The following SCNM1 variants were observed in gnomAD, a reference collection of about 807,000 sequenced individuals.
The protein encoded by SCNM1 is sodium channel modifier 1.
Under a neutral mutation model 32.8 loss-of-function variants are expected in SCNM1, and 24 were observed. That is an observed-to-expected ratio of 0.73 (90% CI 0.53 to 1.03). The LOEUF (loss-of-function observed/expected upper bound fraction) is 1.03. Among genes scored for constraint, SCNM1 ranks in the 50% least tolerant of loss-of-function variants. The probability of loss-of-function intolerance (pLI) is 0.00; values close to 1 mark genes in which losing one functional copy is unlikely to be tolerated. For missense variants in SCNM1, 274 were observed against 282.3 expected (o/e 0.97, Z 0.21); for synonymous variants, 99 against 103.2 (o/e 0.96, Z 0.25).
chr1:151,169,233 C>A lies in SCNM1; in HGVS notation c.*148C>A. 3.0e-6 allele frequency: 2 copies of A among 675,660 alleles called. No individual in the cohort carries two copies. Among genetic ancestry groups the A allele is most frequent in the Non-Finnish European group, 4.6e-6 (2 of 430,330 alleles). The allele number at this position is 675,660 out of a possible 1,614,324, so 41.9% of individuals were successfully genotyped here. A position where few individuals can be genotyped will look rare whatever the true frequency, so the allele number is the denominator to read the frequency against. On this transcript the variant is annotated 3_prime_UTR_variant, in exon 7 of 7. Coordinates refer to ENST00000368905, the MANE Select transcript of SCNM1 (RefSeq NM_024041.4). ...CTTGCCTGCAAGGTACACAGCTCTC[C>A]ACACTCCTTTTTTTTTTTTTTTTTT... is the stretch of plus-strand genomic sequence containing the variant.
rs1249858022 is a variant in SCNM1 at position 151,167,392 on chromosome 1, A to T, written c.376A>T (p.Ser126Cys). 1 of 1,614,158 alleles carries T rather than the reference A, an allele frequency of 6.2e-7. No individual in the cohort carries two copies. The highest frequency in any genetic ancestry group is 1.3e-5 in the African/African-American group (1 of 75,036). Residue 126 changes from serine to cysteine, a missense_variant, in exon 5 of 7, where the codon AGT becomes TGT. Ser to Cys is a moderately radical substitution (Grantham distance 112, BLOSUM62 -1). Transcript: ENST00000368905. ...TCTGCACAGAGCTCCCCACTATAAC[A>T]GTTGCTGCCGCCGGAAGTACAGGTA... ...SALHRAPHYN[S>C]CCRRKYRPEA...
chr1:151,168,774 T>G (rs2101706203), intron 6 of SCNM1, among the ~76,000 whole-genome samples: 1 of 150,990 alleles, frequency 6.6e-6, no homozygotes, highest in Non-Finnish European at 1.5e-5. Flanking sequence ...GGCTCTCAAT[T>G]TTTTCTCACT....
In SCNM1 at chr1:151,170,195, C is replaced by A; in HGVS notation, c.*1110C>A. 2 of 1,504,686 alleles carry A rather than the reference C, an allele frequency of 1.3e-6. No individual in the cohort carries two copies. The highest frequency in any genetic ancestry group is 2.3e-5 in the South Asian group (2 of 87,658). 93.2% of individuals were successfully genotyped at this position (1,504,686 alleles called of 1,614,324 possible). A position where few individuals can be genotyped will look rare whatever the true frequency, so the allele number is the denominator to read the frequency against. On this transcript the variant is annotated 3_prime_UTR_variant, in exon 7 of 7. Transcript: ENST00000368905. ...TCCTTTCCAGTCCCTTAGCCAAACTCATAAATTGGTAGTGTCTTAGGCCAC... is the reference window on the plus strand; with the variant it reads ...TCCTTTCCAGTCCCTTAGCCAAACTAATAAATTGGTAGTGTCTTAGGCCAC...
chr1:151,168,398 A>C, intron 6 of SCNM1, 60 bp downstream of exon 6: 1 of 1,508,900 alleles, frequency 6.6e-7, no homozygotes, highest in Non-Finnish European at 8.8e-7. Context: ...CTTGTTTCAA[A>C]GCTATTGTTT....
chr1:151,166,152 G>A lies in SCNM1; in HGVS notation c.-1G>A. The A allele has an allele frequency of 6.2e-7, 1 of 1,603,442 alleles. No individual in the cohort carries two copies. The highest frequency in any genetic ancestry group is 8.5e-7 in the Non-Finnish European group (1 of 1,173,402). ...TATCACTTCTGGGACTCACAGTCGT[G>A]ATGTCTTTCAAGAGGGAAGGAGACG... On this transcript the variant is annotated 5_prime_UTR_variant, in exon 1 of 7. Transcript: ENST00000368905.
At chr1:151,166,598 T>G (rs587640752) in intron 2 of SCNM1, 57 bp downstream of exon 2, 2 of 319,568 alleles carry the variant, frequency 6.3e-6, no homozygotes, top group African/African-American at 2.8e-5. Context: ...CTCAATAGAC[T>G]TTTTTTTTTT....
chr1:151,166,986 C>A lies in SCNM1; in HGVS notation c.175C>A (p.Leu59Met), dbSNP rs587620008. Residue 59 changes from leucine to methionine, a missense_variant, in exon 3 of 7, where the codon CTG becomes ATG. Physicochemically the swap from Leu to Met is conservative, Grantham distance 15. Coordinates refer to ENST00000368905, the MANE Select transcript of SCNM1 (RefSeq NM_024041.4). ...ACCGGTACTGGACACCCTGGCCATG[C>A]TGACTGCCCACCGTGCAGGCAAGAA... ...HRPVLDTLAM[L>M]TAHRAGKKHL... 6.2e-7 allele frequency: 1 copy of A among 1,614,158 alleles called. No homozygotes were observed. Among genetic ancestry groups the A allele is most frequent in the East Asian group, 2.2e-5 (1 of 44,882 alleles).
chr1:151,168,190 T>C lies in SCNM1; in HGVS notation c.445T>C (p.Ser149Pro). The C allele has an allele frequency of 6.2e-7, 1 of 1,614,086 alleles. No homozygotes were observed. The highest frequency in any genetic ancestry group is 8.5e-7 in the Non-Finnish European group (1 of 1,179,998). The part of the protein sequence containing the change: ...PSVSLSPMPP[S>P]EVKLQSGKIS... Reference sequence around the variant, plus strand: ...TGTCTCCCTTTCCCCTATGCCACCCTCAGAGGTCAAACTCCAAAGTGGGAA... The same window carrying C: ...TGTCTCCCTTTCCCCTATGCCACCCCCAGAGGTCAAACTCCAAAGTGGGAA... Residue 149 changes from serine (S) to proline (P), a missense_variant, in exon 6 of 7, where the codon TCA becomes CCA. Coordinates refer to ENST00000368905, the MANE Select transcript of SCNM1 (RefSeq NM_024041.4).
rs760512459 is a variant in SCNM1 at position 151,167,374 on chromosome 1, A to G, written c.358A>G (p.Arg120Gly). 6.2e-7 allele frequency: 1 copy of G among 1,614,194 alleles called. No individual in the cohort carries two copies. The highest frequency in any genetic ancestry group is 1.7e-5 in the Admixed American group (1 of 60,016). Residue 120 changes from arginine (R) to glycine (G), a missense_variant, in exon 5 of 7, where the codon AGA (arginine) becomes GGA (glycine). Arg to Gly is a moderately radical substitution (Grantham distance 125). Transcript: ENST00000368905. Reference sequence around the variant, plus strand: ...ACTTATCACCCAGAGTGCTCTGCACAGAGCTCCCCACTATAACAGTTGCTG... The same window carrying G: ...ACTTATCACCCAGAGTGCTCTGCACGGAGCTCCCCACTATAACAGTTGCTG... ...TRLITQSALH[R>G]APHYNSCCRR...
In SCNM1 at chr1:151,170,087, C is replaced by T. The variant is rs1217351894; in HGVS notation, c.*1002C>T. On this transcript the variant is annotated 3_prime_UTR_variant, in exon 7 of 7. Transcript: ENST00000368905. ...GGTAAAGGGAAATGCAGTGTTATCTCTTCTTTTGCTGGCGACCTGTAAAGG... is the reference window on the plus strand; with the variant it reads ...GGTAAAGGGAAATGCAGTGTTATCTTTTCTTTTGCTGGCGACCTGTAAAGG... The T allele has an allele frequency of 1.2e-6, 2 of 1,614,072 alleles. No individual in the cohort carries two copies. The highest frequency in any genetic ancestry group is 1.3e-5 in the African/African-American group (1 of 74,922).
Position 151,169,105 on chromosome 1 carries a change from C to CA in SCNM1, c.*21dup. ...GACTGATACCCTTTTCCCATTCATTCACAAATAAATTACAATGGGTGCTGA... is the reference window on the plus strand; with the variant it reads ...GACTGATACCCTTTTCCCATTCATTCAACAAATAAATTACAATGGGTGCTGA... On this transcript the variant is annotated 3_prime_UTR_variant, in exon 7 of 7. Coordinates refer to ENST00000368905, the MANE Select transcript of SCNM1 (RefSeq NM_024041.4). The CA allele has an allele frequency of 6.2e-7, 1 of 1,613,712 alleles. No individual in the cohort carries two copies. Among genetic ancestry groups the CA allele is most frequent in the Non-Finnish European group, 8.5e-7 (1 of 1,179,680 alleles).
At chr1:151,167,642 G>GAAAT in intron 5 of SCNM1, 1 of 503,990 alleles carries the variant, frequency 2.0e-6, no homozygotes, top group Non-Finnish European at 3.6e-6. Context: ...GACCAGCCTG[G>GAAAT]CCAACATGGT....
chr1:151,166,311 C>A, intron 1 of SCNM1, 108 bp downstream of exon 1: 1 of 1,540,548 alleles, frequency 6.5e-7, no homozygotes, highest in Admixed American at 2.0e-5. Context: ...AGGAGAGAAC[C>A]AGGCGACTTA....
chr1:151,166,861 G>A (rs1683728545), intron 2 of SCNM1, 73 bp from the exon 3 acceptor site: 3 of 1,604,038 alleles, frequency 1.9e-6, no homozygotes, highest in African/African-American at 2.7e-5. Context: ...CTAGGACAGG[G>A]TGGGACCTAT....
intron 2 of SCNM1, 31 bp downstream of exon 2, chr1:151,166,572 G>A: frequency 6.2e-7 from 1 of 1,610,968 alleles, no homozygotes; most frequent in Non-Finnish European, 8.5e-7. Context: ...AAGCCTGAGG[G>A]TTCTGCGGTT....
At chr1:151,167,521 A>G (rs766025539) in intron 5 of SCNM1, 107 bp downstream of exon 5, 34 of 1,483,260 alleles carry the variant, frequency 2.3e-5, no homozygotes, top group Non-Finnish European at 2.5e-5. Flanking sequence ...TGGAGATGTT[A>G]CTTAGTGTTT....
Position 151,169,198 on chromosome 1 carries a change from C to G in SCNM1, c.*113C>G. 1 of 1,160,486 alleles carries G rather than the reference C, an allele frequency of 8.6e-7. No homozygotes were observed. The highest frequency in any genetic ancestry group is 1.4e-5 in the South Asian group (1 of 72,602). The allele number at this position is 1,160,486 out of a possible 1,614,324, so 71.9% of individuals were successfully genotyped here. A position where few individuals can be genotyped will look rare whatever the true frequency, so the allele number is the denominator to read the frequency against. On this transcript the variant is annotated 3_prime_UTR_variant, in exon 7 of 7. Transcript: ENST00000368905. ...GATTTCAGATCTGTTCATTCTCATT[C>G]CAACTACTCCTTGCCTGCAAGGTAC...
Position 151,167,209 on chromosome 1 carries a change from C to A in SCNM1, c.300C>A (p.Thr100=). The part of the protein sequence containing the change: ...KHQNELRREE[T]KAEAPLLTQT... ...AGAATGAATTGAGAAGGGAAGAAAC[C>A]AAAGCTGAGGTAATCAGAGAGTGGA... Residue 100 remains threonine (T), a synonymous_variant, in exon 4 of 7, where the codon ACC becomes ACA. Transcript: ENST00000368905. 6.2e-7 allele frequency: 1 copy of A among 1,614,102 alleles called. No individual in the cohort carries two copies. The highest frequency in any genetic ancestry group is 1.1e-5 in the South Asian group (1 of 91,078).
chr1:151,166,649 C>A, intron 2 of SCNM1, 108 bp downstream of exon 2: 2 of 1,496,470 alleles, frequency 1.3e-6, no homozygotes, highest in South Asian at 2.5e-5. Flanking sequence ...GCCCAGGCTG[C>A]CCTCGAACTC....
Sources: allele counts gnomAD v4.1 joint callset (sites outside exome capture counted in the v4.1 genomes callset), GRCh38; gene constraint gnomAD v4.1.1; transcripts MANE v1.5; gene names NCBI Gene and HGNC (gene_info 2026-07-23, HGNC 2026-07-21).